RYR2: variants seen among roughly 807,000 people sequenced by gnomAD.
RYR2 encodes ryanodine receptor 2.
A neutral mutation model predicts 601.1 loss-of-function variants in RYR2; 227 were observed. The observed-to-expected ratio is 0.38, with a 90% CI of 0.34 to 0.42. The LOEUF (loss-of-function observed/expected upper bound fraction) is 0.42, where lower values mean the gene tolerates loss of function less well. Among genes scored for constraint, RYR2 ranks in the 10% least tolerant of loss-of-function variants. The probability of loss-of-function intolerance (pLI) is 1.00; values close to 1 mark genes in which losing one functional copy is unlikely to be tolerated. For missense variants in RYR2, 4,646 were observed against 6,156.5 expected, an observed-to-expected ratio of 0.75 and a Z score of 8.21; for synonymous variants, 2,223 against 2,175.1, an observed-to-expected ratio of 1.02 and a Z score of -0.61.
intron 44 of RYR2, among the ~76,000 whole-genome samples, chr1:237,635,271 A>C (rs1003936606): frequency 6.6e-6 from 1 of 152,230 alleles, no homozygotes; most frequent in East Asian, 1.9e-4. Context: ...ATGAAGAACA[A>C]TACATTTGAA....
rs548487325 is a variant in RYR2 at position 237,748,680 on chromosome 1, G to A, written c.11145+6331G>A. ...TTGACACAAGGAAGATTCCCAGAAA[G>A]CACAACCCTCTATATTGTATATGGT... On this transcript the variant is annotated intron_variant, in intron 80 of 104. Coordinates refer to ENST00000366574, the MANE Select transcript of RYR2 (RefSeq NM_001035.3). 3.9e-5 allele frequency among the ~76,000 whole-genome samples: 6 copies of A among 152,310 alleles called. No individual in the cohort carries two copies. The South Asian group carries it at 1.2e-3, about 32-fold the overall frequency.
chr1:237,305,113 G>A (rs555319821), intron 2 of RYR2, among the ~76,000 whole-genome samples: 33 of 152,158 alleles, frequency 2.2e-4, no homozygotes, highest in African/African-American at 7.0e-4. Flanking sequence ...GAAGATACGC[G>A]TATATTGTAA....
At chr1:237,168,951 G>A (rs1053957730) in intron 1 of RYR2, among the ~76,000 whole-genome samples, 5 of 152,028 alleles carry the variant, frequency 3.3e-5, no homozygotes, top group African/African-American at 7.2e-5. Context: ...TTTATTCTTC[G>A]TAGTCAACCA....
intron 1 of RYR2, among the ~76,000 whole-genome samples, chr1:237,091,767 A>G (rs77366111): frequency 0.035 from 5,251 of 152,100 alleles, 189 homozygotes; most frequent in Admixed American, 0.11. Context: ...CTAAACCTGA[A>G]CTCTGATTTC....
At chr1:237,092,398 T>G (rs914889322) in intron 1 of RYR2, among the ~76,000 whole-genome samples, 1 of 152,222 alleles carries the variant, frequency 6.6e-6, no homozygotes, top group African/African-American at 2.4e-5. Flanking sequence ...TGTTTGCTCT[T>G]ATGTGACTGT....
In RYR2 at chr1:237,144,034, C is replaced by T. The variant is rs189448228; in HGVS notation, c.48+101465C>T. Among the ~76,000 whole-genome samples the T allele has an allele frequency of 1.9e-3, 286 of 151,912 alleles. 3 individuals are homozygous for T. The highest frequency in any genetic ancestry group is 6.7e-3 in the African/African-American group (276 of 41,404). On this transcript the variant is annotated intron_variant, in intron 1 of 104. Coordinates refer to ENST00000366574, the MANE Select transcript of RYR2 (RefSeq NM_001035.3). ...GTCCCAGCTACTCAGGAGGCTGAGGCAGGAGAATTGCTTGAACCCGGGAAG... is the reference window on the plus strand; with the variant it reads ...GTCCCAGCTACTCAGGAGGCTGAGGTAGGAGAATTGCTTGAACCCGGGAAG...
At chr1:237,498,574 G>GAA (rs552372056) in intron 20 of RYR2, among the ~76,000 whole-genome samples, 6 of 141,558 alleles carry the variant, frequency 4.2e-5, no homozygotes, top group African/African-American at 1.5e-4. Flanking sequence ...GAGATTAGAT[G>GAA]AAAAAAAAAA....
chr1:237,660,457 G>A (rs1683676623), intron 55 of RYR2, among the ~76,000 whole-genome samples: 1 of 152,114 alleles, frequency 6.6e-6, no homozygotes, highest in Non-Finnish European at 1.5e-5. Flanking sequence ...GGAAAGAAAT[G>A]AGTATCTTGA....
intron 1 of RYR2, among the ~76,000 whole-genome samples, chr1:237,190,316 G>A (rs1345941867): frequency 6.6e-6 from 1 of 152,194 alleles, no homozygotes; most frequent in East Asian, 1.9e-4. Flanking sequence ...CCTAATGGGT[G>A]TCAGGTGATA....
At chr1:237,454,214 A>G (rs1206072180) in intron 14 of RYR2, among the ~76,000 whole-genome samples, 177 bp from the exon 15 acceptor site, 1 of 152,188 alleles carries the variant, frequency 6.6e-6, no homozygotes, top group Non-Finnish European at 1.5e-5. Context: ...AACATTGCAC[A>G]GTTTCTGACT....
At chr1:237,445,618 A>G in intron 14 of RYR2, 96 bp downstream of exon 14, 11 of 1,448,174 alleles carry the variant, frequency 7.6e-6, no homozygotes, top group Non-Finnish European at 1.0e-5. Context: ...CTATGATGGT[A>G]ATAAATCTCA....
At chr1:237,474,135 G>A (rs1340434149) in intron 17 of RYR2, among the ~76,000 whole-genome samples, 6 of 151,858 alleles carry the variant, frequency 4.0e-5, no homozygotes, top group African/African-American at 1.2e-4. Flanking sequence ...TCAGCTGTGT[G>A]TAGGTGTGTG....
chr1:237,456,857 A>T, intron 16 of RYR2, 122 bp downstream of exon 16: 1 of 1,084,826 alleles, frequency 9.2e-7, no homozygotes, highest in Admixed American at 2.5e-5. Flanking sequence ...TGGGAGGATC[A>T]TTTGAGGCCA....
In RYR2 at chr1:237,784,573, C is replaced by A. The variant is rs570414987; in HGVS notation, c.12861C>A (p.Tyr4287Ter). The part of the protein sequence containing the change: ...KDMVTAFFSS[Y>*]WSIFMTLLHF... ...TGGTCACGGCCTTCTTTTCATCCTA[C>A]TGGAGTATTTTCATGACCCTCTTGC... is the stretch of plus-strand genomic sequence containing the variant. Residue 4287 changes from tyrosine (Y) to a stop codon, truncating the protein, a stop_gained, in exon 90 of 105, where the codon TAC (tyrosine) becomes TAA (stop). Transcript: ENST00000366574. LOFTEE classifies it high-confidence loss of function. This position sits in a 1 kb window ranked among gnomAD's most constrained non-coding sequence, Gnocchi z 7.1. 6.2e-7 allele frequency: 1 copy of A among 1,613,956 alleles called. No individual in the cohort carries two copies. Among genetic ancestry groups the A allele is most frequent in the Admixed American group, 1.7e-5 (1 of 60,014 alleles).
In RYR2 at chr1:237,639,120, C is replaced by A; in HGVS notation, c.7034C>A (p.Ala2345Glu). 6.2e-7 allele frequency: 1 copy of A among 1,613,802 alleles called. No individual in the cohort carries two copies. Among genetic ancestry groups the A allele is most frequent in the Non-Finnish European group, 8.5e-7 (1 of 1,179,846 alleles). Residue 2345 changes from alanine to glutamate, a missense_variant, in exon 46 of 105, where the codon GCA (alanine) becomes GAA (glutamate). By Grantham distance (107) the Ala-to-Glu change is moderately radical. Coordinates refer to ENST00000366574, the MANE Select transcript of RYR2 (RefSeq NM_001035.3). Reference protein sequence around the residue: ...LRGEGGNGLLAAMEEAIKIAE... With the variant: ...LRGEGGNGLLEAMEEAIKIAE... ...GGAGAAGGTGGGAATGGGCTTCTTGCAGCAATGGAAGAAGCCATCAAAATC... is the reference window on the plus strand; with the variant it reads ...GGAGAAGGTGGGAATGGGCTTCTTGAAGCAATGGAAGAAGCCATCAAAATC...
rs747372037 is a variant in RYR2, at chr1:237,727,187, A to G, written c.10826A>G (p.Tyr3609Cys). Residue 3609 changes from tyrosine (Y) to cysteine (C), a missense_variant, in exon 76 of 105, where the codon TAT becomes TGT. Physicochemically the swap from Tyr to Cys is radical, Grantham distance 194. Transcript: ENST00000366574. ...GCCTGCTTCCGGATGGCCCCCTTAT[A>G]TAATCTGCCAAGGTCGGAATTACTT... ...VVACFRMAPL[Y>C]NLPRHRAVNL... 2 of 1,528,856 alleles carry G rather than the reference A, an allele frequency of 1.3e-6. No individual in the cohort carries two copies. The highest frequency in any genetic ancestry group is 1.4e-5 in the African/African-American group (1 of 72,232). The allele number at this position is 1,528,856 out of a possible 1,614,324, so 94.7% of individuals were successfully genotyped here.
At chr1:237,592,097 C>T (rs1262256887) in intron 32 of RYR2, among the ~76,000 whole-genome samples, 2 of 152,088 alleles carry the variant, frequency 1.3e-5, no homozygotes, top group African/African-American at 4.8e-5. Flanking sequence ...TAATTTTGCT[C>T]TGTTTCTTGA....
chr1:237,814,702 G>A (rs1285452645), intron 100 of RYR2, among the ~76,000 whole-genome samples: 3 of 152,044 alleles, frequency 2.0e-5, no homozygotes, highest in African/African-American at 7.2e-5. Context: ...GATGATTGTG[G>A]CTAGATAGCC....
intron 55 of RYR2, 140 bp from the exon 56 acceptor site, chr1:237,660,670 T>C: frequency 1.4e-6 from 1 of 725,394 alleles, no homozygotes; most frequent in Non-Finnish European, 2.1e-6. Context: ...AGAATTTTAC[T>C]TTCCTTTTTA....
Sources: allele counts gnomAD v4.1 joint callset (sites outside exome capture counted in the v4.1 genomes callset), GRCh38; gene constraint gnomAD v4.1.1; non-coding constraint Gnocchi (gnomAD v3.1); transcripts MANE v1.5; gene names NCBI Gene and HGNC (gene_info 2026-07-23, HGNC 2026-07-21).